The following TMEM212 variants were observed in gnomAD, a reference collection of about 807,000 sequenced individuals.
TMEM212 encodes the protein transmembrane protein 212.
In TMEM212, 23 loss-of-function variants were observed where a neutral mutation model predicts 20.5. The ratio of observed to expected loss-of-function variants is 1.12; its 90% CI spans 0.81 to 1.59. TMEM212 has a LOEUF of 1.59. Ranked by LOEUF, TMEM212 falls within the 40% of genes most tolerant of loss-of-function variation. The pLI, the probability that TMEM212 is intolerant of heterozygous loss-of-function variation, is 0.00. For missense variants in TMEM212, 211 were observed against 215.0 expected (o/e 0.98, Z 0.12); for synonymous variants, 76 against 81.6 (o/e 0.93, Z 0.37).
intron 1 of TMEM212, among the ~76,000 whole-genome samples, chr3:171,844,580 C>A (rs1219803831): frequency 1.3e-5 from 2 of 152,090 alleles, no homozygotes; most frequent in Admixed American, 6.6e-5. Context: ...GTGGCATGCA[C>A]CTGTAATCCC....
chr3:171,852,155 A>G (rs777360739), intron 2 of TMEM212, 114 bp downstream of exon 2: 2 of 826,464 alleles, frequency 2.4e-6, no homozygotes, highest in Non-Finnish European at 3.8e-6. Flanking sequence ...AATTTGGTCT[A>G]ATTGATGCCT....
intron 2 of TMEM212, 148 bp from the exon 3 acceptor site, chr3:171,853,379 T>C: frequency 1.4e-6 from 1 of 692,650 alleles, no homozygotes; most frequent in Non-Finnish European, 2.3e-6. Flanking sequence ...AAAATGAAAA[T>C]ATAAAGAGAG....
Position 171,853,718 on chromosome 3 carries a change from C to A in TMEM212, c.411C>A (p.Asp137Glu), listed in dbSNP as rs1399650074. 6.5e-7 allele frequency: 1 copy of A among 1,537,424 alleles called. No individual in the cohort carries two copies. Among genetic ancestry groups the A allele is most frequent in the Admixed American group, 2.0e-5 (1 of 50,978 alleles). The change falls in exon 3 of 5, where the codon GAC becomes GAA. Residue 137 changes from aspartate (D) to glutamate (E), a missense_variant. Asp to Glu is a conservative substitution (Grantham distance 45). Transcript: ENST00000334567. ...PYAKFPLACV[D>E]PPHYEEYHLT... ...CAAAATTCCCATTAGCCTGTGTGGA[C>A]CCACCACACTACGAAGAGTACCACC...
chr3:171,845,449 T>C (rs1286414438), intron 1 of TMEM212, among the ~76,000 whole-genome samples: 1 of 152,218 alleles, frequency 6.6e-6, no homozygotes, highest in Non-Finnish European at 1.5e-5. Flanking sequence ...ATATCATGAT[T>C]AGAGTTCAAC....
At chr3:171,850,580 T>C (rs1357110561) in intron 1 of TMEM212, among the ~76,000 whole-genome samples, 1 of 152,228 alleles carries the variant, frequency 6.6e-6, no homozygotes, top group Non-Finnish European at 1.5e-5. Flanking sequence ...TTGAGGGCCA[T>C]GCCTCCCAAA....
Position 171,858,480 on chromosome 3 carries a change from C to T in TMEM212, c.*423C>T, listed in dbSNP as rs1321768915. 6.6e-6 allele frequency: 1 copy of T among 152,048 alleles called. No homozygotes were observed. The highest frequency in any genetic ancestry group is 1.5e-5 in the Non-Finnish European group (1 of 68,016). The allele number at this position is 152,048 out of a possible 1,614,324, so 9.4% of individuals were successfully genotyped here. A position where few individuals can be genotyped will look rare whatever the true frequency, so the allele number is the denominator to read the frequency against. ...AAACCATAAAAACCCTAGAAGAAAA[C>T]CTAGGCAATACCATTCAGGACATAG... On this transcript the variant is annotated 3_prime_UTR_variant, in exon 5 of 5. Coordinates refer to ENST00000334567, the MANE Select transcript of TMEM212 (RefSeq NM_001164436.2).
At chr3:171,843,589 G>A in intron 1 of TMEM212, 47 bp downstream of exon 1, 1 of 1,429,402 alleles carries the variant, frequency 7.0e-7, no homozygotes, top group Non-Finnish European at 9.3e-7. Flanking sequence ...AAAGAAGGTG[G>A]GAGGGAAAGG....
intron 1 of TMEM212, among the ~76,000 whole-genome samples, chr3:171,847,305 A>G (rs963662178): frequency 3.3e-5 from 5 of 152,236 alleles, no homozygotes; most frequent in Non-Finnish European, 7.3e-5. Context: ...GACTTGGCCA[A>G]TGGCAAGTGC....
Position 171,843,368 on chromosome 3 carries a change from C to G in TMEM212, c.-16C>G. ...CAAAACATCTTTGAGACCAAGGCCT[C>G]AAGCCACCAAGGAAAATGAAGGGCC... On this transcript the variant is annotated 5_prime_UTR_variant, in exon 1 of 5. Transcript: ENST00000334567. 2.0e-6 allele frequency: 3 copies of G among 1,529,038 alleles called. No individual in the cohort carries two copies. Among genetic ancestry groups the G allele is most frequent in the Non-Finnish European group, 2.6e-6 (3 of 1,142,966 alleles). 94.7% of individuals were successfully genotyped at this position (1,529,038 alleles called of 1,614,324 possible). A position where few individuals can be genotyped will look rare whatever the true frequency, so the allele number is the denominator to read the frequency against.
At position 171,843,453 on chromosome 3, in the gene TMEM212, G is replaced by C; in HGVS notation, c.70G>C (p.Val24Leu). The C allele has an allele frequency of 6.5e-7, 1 of 1,537,134 alleles. No individual in the cohort carries two copies. The highest frequency in any genetic ancestry group is 8.7e-7 in the Non-Finnish European group (1 of 1,146,834). The change falls in exon 1 of 5, where the codon GTT becomes CTT. Residue 24 changes from valine (V) to leucine (L), a missense_variant. Transcript: ENST00000334567. ...TLGILSVCSG[V>L]IAFFPVFSYK... ...GGGGATCCTCAGTGTATGCTCTGGAGTTATTGCTTTCTTTCCTGTCTTTTC... is the reference window on the plus strand; with the variant it reads ...GGGGATCCTCAGTGTATGCTCTGGACTTATTGCTTTCTTTCCTGTCTTTTC...
In TMEM212 at chr3:171,848,237, G is replaced by T. The variant is rs115356236; in HGVS notation, c.160-3745G>T. Among the ~76,000 whole-genome samples the T allele has an allele frequency of 8.7e-3, 1,317 of 152,212 alleles. 17 individuals carry two copies. The highest frequency in any genetic ancestry group is 0.031 in the African/African-American group (1,275 of 41,524). ...GCAGGTTCTAATTCAGCAGGTCTGG[G>T]GTGGGGCCTGAGAGTCTGCATGTCT... is the stretch of plus-strand genomic sequence containing the variant. On this transcript the variant is annotated intron_variant, in intron 1 of 4. Coordinates refer to ENST00000334567, the MANE Select transcript of TMEM212 (RefSeq NM_001164436.2).
intron 1 of TMEM212, among the ~76,000 whole-genome samples, chr3:171,847,848 G>C (rs1724874078): frequency 6.6e-6 from 1 of 151,902 alleles, no homozygotes; most frequent in Non-Finnish European, 1.5e-5. Context: ...GACTAGGGGG[G>C]GTTCTTGCTA....
At position 171,847,398 on chromosome 3, in the gene TMEM212, G is replaced by A. The variant is rs571555023; in HGVS notation, c.159+3856G>A. On this transcript the variant is annotated intron_variant, in intron 1 of 4. Transcript: ENST00000334567. ...ATTTAGTTTTGCAGTCTTCCTCAAC[G>A]GAAGTTCTGCCCCTTCCTCGACGGT... is the stretch of plus-strand genomic sequence containing the variant. Among the ~76,000 whole-genome samples, 76 of 152,306 alleles carry A rather than the reference G, an allele frequency of 5.0e-4. 1 individual carries two copies. Among genetic ancestry groups the A allele is most frequent in the Admixed American group, 2.0e-3 (30 of 15,298 alleles).
At position 171,843,409 on chromosome 3, in the gene TMEM212, GC is replaced by G. The variant is rs778709987; in HGVS notation, c.28del (p.Arg10GlyfsTer72). 17 of 1,536,552 alleles carry G rather than the reference GC, an allele frequency of 1.1e-5. No homozygotes were observed. In the South Asian group the frequency reaches 1.7e-4, roughly 15 times the overall value. On this transcript the variant is annotated frameshift_variant, in exon 1 of 5. Coordinates refer to ENST00000334567, the MANE Select transcript of TMEM212 (RefSeq NM_001164436.2). LOFTEE classifies it high-confidence loss of function. Reference protein sequence around the residue: MKGLYQAAGRILVTLGILS... With the variant: MKGLYQAAXRILVTLGILS... ...ATGAAGGGCCTCTACCAGGCTGCTGGCCGGATTCTTGTTACTCTGGGGATCC... is the reference window on the plus strand; with the variant it reads ...ATGAAGGGCCTCTACCAGGCTGCTGGCGGATTCTTGTTACTCTGGGGATCC...
chr3:171,857,276 C>A (rs1725141738), intron 4 of TMEM212, among the ~76,000 whole-genome samples: 1 of 151,840 alleles, frequency 6.6e-6, no homozygotes, highest in Non-Finnish European at 1.5e-5. Flanking sequence ...ACAAGGGTGT[C>A]AGGAATGCAT....
intron 1 of TMEM212, among the ~76,000 whole-genome samples, chr3:171,850,381 TG>T (rs985700667): frequency 3.9e-5 from 6 of 152,238 alleles, no homozygotes; most frequent in African/African-American, 1.4e-4. Context: ...ACTGAAATTC[TG>T]CAGCATTTTT....
intron 1 of TMEM212, among the ~76,000 whole-genome samples, chr3:171,849,033 T>TGGTATTACCTGGCTTTCAA (rs1262317687): frequency 6.6e-6 from 1 of 152,090 alleles, no homozygotes; most frequent in Non-Finnish European, 1.5e-5. Context: ...CTTCTCACCC[T>TGGTATTACCTGGCTTTCAA]GGTATTACCT....
chr3:171,856,719 TG>T lies in TMEM212; in HGVS notation c.*3+16del. On this transcript the variant is annotated intron_variant, in intron 4 of 4. Transcript: ENST00000334567. ...TTTCACCATAAAAGGTAAAATGGTC[TG>T]GGGATAGAAAAGGCCTGGGACCAGA... 1 of 673,062 alleles carries T rather than the reference TG, an allele frequency of 1.5e-6. No homozygotes were observed. Among genetic ancestry groups the T allele is most frequent in the Non-Finnish European group, 2.7e-6 (1 of 370,052 alleles). 41.7% of individuals were successfully genotyped at this position (673,062 alleles called of 1,614,324 possible).
At chr3:171,847,183 T>C (rs1724852201) in intron 1 of TMEM212, among the ~76,000 whole-genome samples, 2 of 152,334 alleles carry the variant, frequency 1.3e-5, no homozygotes, top group South Asian at 4.1e-4. Flanking sequence ...CATAATACCA[T>C]AAGGAATGAG....
Sources: allele counts gnomAD v4.1 joint callset (sites outside exome capture counted in the v4.1 genomes callset), GRCh38; gene constraint gnomAD v4.1.1; transcripts MANE v1.5; gene names NCBI Gene and HGNC (gene_info 2026-07-23, HGNC 2026-07-21).